CLEC5A: variants seen among roughly 807,000 people sequenced by gnomAD.
CLEC5A encodes C-type lectin domain containing 5A.
CLEC5A carries 15 observed loss-of-function variants against 24.4 expected under a neutral mutation model. The ratio of observed to expected loss-of-function variants is 0.62; its 90% confidence interval spans 0.41 to 0.95. The LOEUF is 0.95. Among genes scored for constraint, CLEC5A ranks in the 40% least tolerant of loss-of-function variants. The pLI is 0.00. For missense variants in CLEC5A, 211 were observed against 224.0 expected (o/e 0.94, Z 0.37); for synonymous variants, 71 against 72.6 (o/e 0.98, Z 0.11).
intron 3 of CLEC5A, among the ~76,000 whole-genome samples, chr7:141,944,415 C>T (rs529234079): frequency 3.3e-5 from 5 of 152,214 alleles, no homozygotes; most frequent in African/African-American, 1.2e-4. Context: ...ATTCATAATC[C>T]TGGGCAACTC....
chr7:141,934,782 C>T (rs1367456034), intron 5 of CLEC5A, among the ~76,000 whole-genome samples: 1 of 151,944 alleles, frequency 6.6e-6, no homozygotes, highest in Non-Finnish European at 1.5e-5. Flanking sequence ...TGCACCACCT[C>T]ACCTGGCTAA....
Position 141,931,771 on chromosome 7 carries a change from TGG to T in CLEC5A, c.399_400del (p.Tyr133Ter). 1 of 1,609,236 alleles carries T rather than the reference TGG, an allele frequency of 6.2e-7. No individual in the cohort carries two copies. The highest frequency in any genetic ancestry group is 1.1e-5 in the South Asian group (1 of 90,972). ...CCAACGCCACCTTTTCTCTTCACGA[TGG>T]TAAATTAAGCCAATAAAATACTTCT... On this transcript the variant is annotated stop_gained and frameshift_variant, in exon 6 of 7. Transcript: ENST00000546910. LOFTEE classifies it high-confidence loss of function.
chr7:141,943,832 T>G lies in CLEC5A; in HGVS notation c.208+64A>C. The G allele has an allele frequency of 2.7e-6, 3 of 1,116,832 alleles. No individual in the cohort carries two copies. In the Middle Eastern group the frequency reaches 5.9e-4, roughly 221 times the overall value. The allele number at this position is 1,116,832 out of a possible 1,614,324, so 69.2% of individuals were successfully genotyped here. A position where few individuals can be genotyped will look rare whatever the true frequency, so the allele number is the denominator to read the frequency against. Reference sequence around the variant, plus strand: ...ATAAGAATAAAGACAATGGGAGAAATCTCTAAGAATTCAGTGCATGAGAAC... The same window carrying G: ...ATAAGAATAAAGACAATGGGAGAAAGCTCTAAGAATTCAGTGCATGAGAAC... On this transcript the variant is annotated intron_variant, in intron 4 of 6. Coordinates refer to ENST00000546910, the MANE Select transcript of CLEC5A (RefSeq NM_013252.3).
chr7:141,939,044 G>T lies in CLEC5A; in HGVS notation c.209-3094C>A, dbSNP rs531674495. On this transcript the variant is annotated intron_variant, in intron 4 of 6. Transcript: ENST00000546910. The stretch of plus-strand genomic sequence containing the variant: ...ACAGCTCTTTAATCTGAAAGTAAAG[G>T]ACATTAATGAGCAATAAGAAATCAT... Among the ~76,000 whole-genome samples the T allele has an allele frequency of 3.3e-5, 5 of 152,236 alleles. No homozygotes were observed. The East Asian group carries it at 7.7e-4, about 24-fold the overall frequency.
intron 5 of CLEC5A, among the ~76,000 whole-genome samples, chr7:141,933,646 A>G (rs1003397843): frequency 2.0e-5 from 3 of 146,996 alleles, no homozygotes; most frequent in Admixed American, 6.7e-5. Context: ...GTGTAAGCTC[A>G]TGCTTAGCTC....
intron 5 of CLEC5A, among the ~76,000 whole-genome samples, chr7:141,933,945 CAG>C (rs1802542794): frequency 6.6e-6 from 1 of 152,106 alleles, no homozygotes. Flanking sequence ...GACAGACAGA[CAG>C]AGAGTATGAG....
intron 4 of CLEC5A, among the ~76,000 whole-genome samples, chr7:141,938,181 C>T (rs1249381156): frequency 6.6e-6 from 1 of 152,172 alleles, no homozygotes; most frequent in Non-Finnish European, 1.5e-5. Flanking sequence ...GTAAATAAGG[C>T]ACCAGGGACC....
At chr7:141,933,745 A>C (rs957855271) in intron 5 of CLEC5A, among the ~76,000 whole-genome samples, 8 of 151,984 alleles carry the variant, frequency 5.3e-5, no homozygotes, top group Non-Finnish European at 1.0e-4. Flanking sequence ...GACATGGTAC[A>C]GGCTCTGGTG....
chr7:141,939,236 A>T (rs1482183651), intron 4 of CLEC5A, among the ~76,000 whole-genome samples: 13 of 152,218 alleles, frequency 8.5e-5, no homozygotes, highest in African/African-American at 3.1e-4. Flanking sequence ...CAGTAAAAAC[A>T]AAGTTATAAA....
At chr7:141,931,685 C>T in intron 6 of CLEC5A, 35 bp downstream of exon 6, 1 of 1,197,424 alleles carries the variant, frequency 8.4e-7, no homozygotes, top group Non-Finnish European at 1.2e-6. Context: ...TGAAGCAAAC[C>T]AAGATCCCCA....
chr7:141,935,569 G>A (rs897531385), intron 5 of CLEC5A, among the ~76,000 whole-genome samples: 10 of 152,180 alleles, frequency 6.6e-5, no homozygotes, highest in African/African-American at 2.4e-4. Flanking sequence ...ATTACAGTGC[G>A]CTATAGAAAA....
chr7:141,932,704 A>C (rs1479024899), intron 5 of CLEC5A, among the ~76,000 whole-genome samples: 1 of 152,194 alleles, frequency 6.6e-6, no homozygotes, highest in Non-Finnish European at 1.5e-5. Flanking sequence ...ATTTCTCCTC[A>C]AAGAAATTAT....
Position 141,943,921 on chromosome 7 carries a change from G to A in CLEC5A, c.183C>T (p.Phe61=). The A allele has an allele frequency of 6.2e-7, 1 of 1,611,434 alleles. No homozygotes were observed. The highest frequency in any genetic ancestry group is 8.5e-7 in the Non-Finnish European group (1 of 1,177,860). ...FGSSSPSPNG[F]ITTRSYGTVC... ...CTGTTCCATAGCTCCTTGTGGTAAT[G>A]AAGCCGTTGGGACTTGGGGAACTGC... The change falls in exon 4 of 7, where the codon TTC becomes TTT. Residue 61 remains phenylalanine, a synonymous_variant. Transcript: ENST00000546910.
At chr7:141,941,300 T>C (rs534220472) in intron 4 of CLEC5A, among the ~76,000 whole-genome samples, 13 of 152,152 alleles carry the variant, frequency 8.5e-5, no homozygotes, top group Admixed American at 3.3e-4. Context: ...TGTAATACAT[T>C]ATATCAACAG....
At chr7:141,945,429 C>A (rs373071632) in intron 2 of CLEC5A, 29 bp from the exon 3 acceptor site, 17 of 1,544,968 alleles carry the variant, frequency 1.1e-5, no homozygotes, top group East Asian at 4.5e-5. Flanking sequence ...GTTGGCTCAG[C>A]CCCAAATGTG....
rs1802362535 is a variant in CLEC5A, at chr7:141,928,481, G to A, written c.*1623C>T. 6.6e-6 allele frequency: 1 copy of A among 151,996 alleles called. No individual in the cohort carries two copies. Among genetic ancestry groups the A allele is most frequent in the Non-Finnish European group, 1.5e-5 (1 of 68,008 alleles). 9.4% of individuals were successfully genotyped at this position (151,996 alleles called of 1,614,324 possible). A position where few individuals can be genotyped will look rare whatever the true frequency, so the allele number is the denominator to read the frequency against. ...CTCAGCCTTTCTTCCCTTCTCAACG[G>A]TAGCACTTATCCTTTCCCAACACAG... On this transcript the variant is annotated 3_prime_UTR_variant, in exon 7 of 7. Transcript: ENST00000546910.
intron 4 of CLEC5A, 56 bp from the exon 5 acceptor site, chr7:141,936,006 G>A: frequency 4.2e-6 from 6 of 1,422,148 alleles, no homozygotes; most frequent in Non-Finnish European, 5.9e-6. Context: ...TATGAATCCT[G>A]CAACTAAGTC....
At position 141,940,706 on chromosome 7, in the gene CLEC5A, A is replaced by G. The variant is rs1023390553; in HGVS notation, c.208+3190T>C. Among the ~76,000 whole-genome samples, 4 of 151,794 alleles carry G rather than the reference A, an allele frequency of 2.6e-5. No homozygotes were observed. In the East Asian group the frequency reaches 7.7e-4, roughly 29 times the overall value. On this transcript the variant is annotated intron_variant, in intron 4 of 6. Transcript: ENST00000546910. ...CAGACCAAAAAAAAAAAAGAGAAAG[A>G]GATGACCCAAATTAATAAAATCAGA...
chr7:141,941,150 C>A (rs571879143), intron 4 of CLEC5A, among the ~76,000 whole-genome samples: 1 of 151,966 alleles, frequency 6.6e-6, no homozygotes, highest in African/African-American at 2.4e-5. Context: ...CGCAAATATA[C>A]CAATCAATAT....
Sources: gnomAD v4.1 joint callset for allele counts (sites outside exome capture counted in the v4.1 genomes callset) on GRCh38, gnomAD v4.1.1 for gene constraint, MANE v1.5 for transcripts, NCBI Gene and HGNC (gene_info 2026-07-23, HGNC 2026-07-21) for gene names.